PGM2L1: variants seen among roughly 807,000 people sequenced by gnomAD.
PGM2L1 encodes phosphoglucomutase 2 like 1, also known as glucose 1,6-bisphosphate synthase.
In PGM2L1, 35 loss-of-function variants were observed where a neutral mutation model predicts 73.4. That is an observed-to-expected ratio of 0.48 (90% CI 0.36 to 0.63). The LOEUF is 0.63. PGM2L1 is among the 30% of genes least tolerant of loss of function. The pLI is 0.00. For synonymous variants in PGM2L1, 225 were observed against 253.8 expected (o/e 0.89, Z 1.08); for missense variants, 570 against 742.0 (o/e 0.77, Z 2.69).
intron 5 of PGM2L1, among the ~76,000 whole-genome samples, chr11:74,363,468 C>T (rs981011389): frequency 1.3e-5 from 2 of 151,728 alleles, no homozygotes; most frequent in South Asian, 2.1e-4. Context: ...ACTGACAGAC[C>T]GCTAGCAAGA....
intron 1 of PGM2L1, among the ~76,000 whole-genome samples, chr11:74,385,814 A>T (rs1264702659): frequency 6.6e-6 from 1 of 152,098 alleles, no homozygotes. Context: ...CCCAAATTCC[A>T]TATTCTTCTG....
intron 1 of PGM2L1, among the ~76,000 whole-genome samples, chr11:74,379,417 G>A (rs1293172531): frequency 6.6e-6 from 1 of 151,510 alleles, no homozygotes; most frequent in Non-Finnish European, 1.5e-5. Context: ...GATTTACAGG[G>A]GACAAAACAG....
intron 5 of PGM2L1, among the ~76,000 whole-genome samples, chr11:74,351,890 A>G (rs1862361139): frequency 1.3e-5 from 2 of 151,938 alleles, no homozygotes; most frequent in Admixed American, 6.6e-5. Flanking sequence ...TGAACCCCGG[A>G]GGCGGAGCTT....
In PGM2L1 at chr11:74,398,133, T is replaced by G. The variant is rs148003019; in HGVS notation, c.29A>C (p.Asn10Thr). 33 of 1,611,962 alleles carry G rather than the reference T, an allele frequency of 2.0e-5. No homozygotes were observed. The African/African-American group carries it at 3.9e-4, about 19-fold the overall frequency. Reference sequence around the variant, plus strand: ...GTAGGGGGCGTGGAGCAGGTTGGAGTTCAGATCCCCCTCTGTGTTTTCAGC... The same window carrying G: ...GTAGGGGGCGTGGAGCAGGTTGGAGGTCAGATCCCCCTCTGTGTTTTCAGC... MAENTEGDL[N>T]SNLLHAPYHT... The change falls in exon 1 of 14, where the codon AAC (asparagine) becomes ACC (threonine). Residue 10 changes from asparagine to threonine, a missense_variant. Asn to Thr is a moderately conservative substitution (Grantham distance 65). Transcript: ENST00000298198.
At chr11:74,349,712 A>G (rs944475132) in intron 6 of PGM2L1, among the ~76,000 whole-genome samples, 1 of 152,140 alleles carries the variant, frequency 6.6e-6, no homozygotes, top group Non-Finnish European at 1.5e-5. Flanking sequence ...TCAAATTCAA[A>G]TTTAAAATTA....
Position 74,331,200 on chromosome 11 carries a change from A to C in PGM2L1, c.*5452T>G, listed in dbSNP as rs1862005850. On this transcript the variant is annotated 3_prime_UTR_variant, in exon 14 of 14. Transcript: ENST00000298198. The stretch of plus-strand genomic sequence containing the variant: ...TTCAGGTCAGTTTAGTTTGGCATTA[A>C]TCCTTCTGAAGGTCAGATTCCAAGG... 1 of 151,990 alleles carries C rather than the reference A, an allele frequency of 6.6e-6. No homozygotes were observed. The highest frequency in any genetic ancestry group is 2.4e-5 in the African/African-American group (1 of 41,388). 9.4% of individuals were successfully genotyped at this position (151,990 alleles called of 1,614,324 possible).
Position 74,351,502 on chromosome 11 carries a change from C to T in PGM2L1, c.630G>A (p.Val210=), listed in dbSNP as rs778397480. ...KEILKCIEEC[V]EPWNGSWNDN... ...CATTCCAGGAACCATTCCAGGGTTC[C>T]ACACATTCTTCTATACATTTTAGAA... is the stretch of plus-strand genomic sequence containing the variant. Residue 210 remains valine, a synonymous_variant, in exon 6 of 14, where the codon GTG becomes GTA. Transcript: ENST00000298198. 6.2e-7 allele frequency: 1 copy of T among 1,613,834 alleles called. No homozygotes were observed. Among genetic ancestry groups the T allele is most frequent in the Non-Finnish European group, 8.5e-7 (1 of 1,179,874 alleles).
At chr11:74,361,545 G>A (rs1278055049) in intron 5 of PGM2L1, among the ~76,000 whole-genome samples, 4 of 152,316 alleles carry the variant, frequency 2.6e-5, no homozygotes, top group South Asian at 2.1e-4. Flanking sequence ...AAAGCTGGAC[G>A]GAGAATGACT....
chr11:74,381,922 G>A (rs1286921286), intron 1 of PGM2L1, among the ~76,000 whole-genome samples: 1 of 151,626 alleles, frequency 6.6e-6, no homozygotes, highest in Non-Finnish European at 1.5e-5. Context: ...CCCACCAATG[G>A]TAACCTAGGA....
intron 1 of PGM2L1, among the ~76,000 whole-genome samples, chr11:74,380,347 T>TCA (rs1350487660): frequency 7.8e-6 from 1 of 128,066 alleles, no homozygotes; most frequent in Non-Finnish European, 1.7e-5. Context: ...CAAAATATAT[T>TCA]CATGCTAAAC....
intron 1 of PGM2L1, among the ~76,000 whole-genome samples, chr11:74,386,428 T>C (rs1337764133): frequency 1.3e-5 from 2 of 151,956 alleles, no homozygotes; most frequent in African/African-American, 4.8e-5. Context: ...GAATAATACA[T>C]TGGTGCACAC....
Position 74,348,526 on chromosome 11 carries a change from T to C in PGM2L1, c.750-1189A>G, listed in dbSNP as rs541310364. Among the ~76,000 whole-genome samples, 4 of 152,304 alleles carry C rather than the reference T, an allele frequency of 2.6e-5. No individual in the cohort carries two copies. The East Asian group carries it at 7.7e-4, about 29-fold the overall frequency. On this transcript the variant is annotated intron_variant, in intron 6 of 13. Coordinates refer to ENST00000298198, the MANE Select transcript of PGM2L1 (RefSeq NM_173582.6). Reference sequence around the variant, plus strand: ...ATAACCATATTACCATCATTACATCTAACAAAATCAACAATAATTTCTTTC... The same window carrying C: ...ATAACCATATTACCATCATTACATCCAACAAAATCAACAATAATTTCTTTC...
At chr11:74,354,658 A>G in intron 5 of PGM2L1, 1 of 1,134,270 alleles carries the variant, frequency 8.8e-7, no homozygotes, top group Non-Finnish European at 1.3e-6. Context: ...TGCAGCCATG[A>G]ATGCAGGGCC....
At chr11:74,357,355 TCAA>T (rs897712957) in intron 5 of PGM2L1, among the ~76,000 whole-genome samples, 20 of 152,072 alleles carry the variant, frequency 1.3e-4, no homozygotes, top group African/African-American at 4.6e-4. Context: ...TTCTTAAAAC[TCAA>T]CAATAAAAAA....
chr11:74,389,971 T>TAAAAAAAAAAAAAA (rs1591193423), intron 1 of PGM2L1, among the ~76,000 whole-genome samples: 1 of 14,710 alleles, frequency 6.8e-5, no homozygotes. Flanking sequence ...AAAAAAAAAT[T>TAAAAAAAAAAAAAA]AGCCAGGCGT....
At chr11:74,366,464 A>T (rs370405819) in intron 5 of PGM2L1, among the ~76,000 whole-genome samples, 69 of 151,988 alleles carry the variant, frequency 4.5e-4, no homozygotes, top group Middle Eastern at 3.4e-3. Flanking sequence ...TCTCTTAAAA[A>T]AAAAAAAAGG....
chr11:74,363,830 G>T (rs1862607453), intron 5 of PGM2L1, among the ~76,000 whole-genome samples: 1 of 152,038 alleles, frequency 6.6e-6, no homozygotes, highest in South Asian at 2.1e-4. Context: ...CCAATCAATA[G>T]AAAAAGAGGG....
At chr11:74,360,481 C>T (rs569021478) in intron 5 of PGM2L1, among the ~76,000 whole-genome samples, 1 of 152,108 alleles carries the variant, frequency 6.6e-6, no homozygotes, top group South Asian at 2.1e-4. Flanking sequence ...CCAGCAGGAC[C>T]GACGCAGAAG....
At chr11:74,354,527 A>G in intron 5 of PGM2L1, 1 of 1,243,800 alleles carries the variant, frequency 8.0e-7, no homozygotes, top group East Asian at 2.3e-5. Flanking sequence ...AACCGATGAG[A>G]GCCTGAGGAG....
Sources: gnomAD v4.1 joint callset for allele counts (sites outside exome capture counted in the v4.1 genomes callset) on GRCh38, gnomAD v4.1.1 for gene constraint, MANE v1.5 for transcripts, NCBI Gene and HGNC (gene_info 2026-07-23, HGNC 2026-07-21) for gene names.